The following ZNF28 variants were observed in gnomAD, a reference collection of about 807,000 sequenced individuals.
ZNF28 encodes zinc finger protein KOX24.
ZNF28 carries 5 observed loss-of-function variants against 7.2 expected under a neutral mutation model. That is an observed-to-expected ratio of 0.70 (90% CI 0.36 to 1.46). ZNF28 has a LOEUF of 1.46. ZNF28 is among the 40% of genes most tolerant of loss of function. The pLI is 0.03. For missense variants in ZNF28, 879 were observed against 866.6 expected, an observed-to-expected ratio of 1.01 and a Z score of -0.18; for synonymous variants, 288 against 292.4, an observed-to-expected ratio of 0.99 and a Z score of 0.15.
At position 52,801,540 on chromosome 19, in the gene ZNF28, T is replaced by A. The variant is rs1212302630; in HGVS notation, c.305A>T (p.Lys102Ile). The change falls in exon 4 of 4, where the codon AAA becomes ATA. Residue 102 changes from lysine (K) to isoleucine (I), a missense_variant. By Grantham distance (102) the Lys-to-Ile change is moderately radical. Transcript: ENST00000457749. ...KDIHGFQFQW[K>I]EDETNDHAAP... ...TGCATGGTCATTTGTTTCATCTTCT[T>A]TCCACTGAAACTGGAAGCCATGAAT... 6.2e-7 allele frequency: 1 copy of A among 1,614,196 alleles called. No homozygotes were observed. Among genetic ancestry groups the A allele is most frequent in the Non-Finnish European group, 8.5e-7 (1 of 1,180,024 alleles).
rs760428282 is a variant in ZNF28, at chr19:52,801,292, T to G, written c.553A>C (p.Lys185Gln). 6.2e-7 allele frequency: 1 copy of G among 1,614,164 alleles called. No homozygotes were observed. The highest frequency in any genetic ancestry group is 1.1e-5 in the South Asian group (1 of 91,080). The change falls in exon 4 of 4, where the codon AAA becomes CAA. Residue 185 changes from lysine to glutamine, a missense_variant. Around this residue, in one of 2 missense-constraint regions of ZNF28, gnomAD observed 864 missense variants for 830.2 expected, o/e 1.04. Coordinates refer to ENST00000457749, the MANE Select transcript of ZNF28 (RefSeq NM_006969.5). ...STSQRICCRPKTHISNKYGNN... is the reference protein window; with the variant it reads ...STSQRICCRPQTHISNKYGNN... The stretch of plus-strand genomic sequence containing the variant: ...CCATACTTATTAGAAATATGGGTTT[T>G]GGGCCTACAACAAATTCTTTGGGAT...
In ZNF28 at chr19:52,801,229, G is replaced by A. The variant is rs138512740; in HGVS notation, c.616C>T (p.Arg206Trp). ...GATTTTTCTCTCATGTGTACATTCC[G>A]TTTTTGTGTGAGTAATGAAGAATGG... is the stretch of plus-strand genomic sequence containing the variant. Reference protein sequence around the residue: ...SLHSSLLTQKRNVHMREKSFQ... With the variant: ...SLHSSLLTQKWNVHMREKSFQ... Residue 206 changes from arginine to tryptophan, a missense_variant, in exon 4 of 4, where the codon CGG becomes TGG. Physicochemically the swap from Arg to Trp is moderately radical, Grantham distance 101 (BLOSUM62 -3). Transcript: ENST00000457749. The A allele has an allele frequency of 6.4e-5, 104 of 1,614,048 alleles. No individual in the cohort carries two copies. Among genetic ancestry groups the A allele is most frequent in the Middle Eastern group, 1.6e-4 (1 of 6,062 alleles).
Position 52,800,170 on chromosome 19 carries a change from C to T in ZNF28, c.1675G>A (p.Val559Ile). 1 of 1,613,286 alleles carries T rather than the reference C, an allele frequency of 6.2e-7. No homozygotes were observed. The highest frequency in any genetic ancestry group is 1.1e-5 in the South Asian group (1 of 91,046). ...TCCATGTGTGATTTGCGACTGAAAA[C>T]TTTCTCACATTCTTCACATTTGTAC... ...KPYKCEECEK[V>I]FSRKSHMERH... The change falls in exon 4 of 4, where the codon GTT becomes ATT. Residue 559 changes from valine to isoleucine, a missense_variant. Physicochemically the swap from Val to Ile is conservative, Grantham distance 29. This residue lies in a region of ZNF28 where 864 missense variants were observed against 830.2 expected (regional missense o/e 1.04). Coordinates refer to ENST00000457749, the MANE Select transcript of ZNF28 (RefSeq NM_006969.5).
At chr19:52,814,516 C>T (rs985500209) in intron 2 of ZNF28, 3 of 146,012 alleles carry the variant, frequency 2.1e-5, no homozygotes, top group African/African-American at 5.3e-5. Flanking sequence ...ATCACTTGAA[C>T]CTGGGAGGCA....
At position 52,800,145 on chromosome 19, in the gene ZNF28, T is replaced by C. The variant is rs2062844091; in HGVS notation, c.1700A>G (p.Glu567Gly). ...EKVFSRKSHM[E>G]RHRRIHTGEK... ...TCCAGTATGAATCCTCCTATGTCTT[T>C]CCATGTGTGATTTGCGACTGAAAAC... Residue 567 changes from glutamate to glycine, a missense_variant, in exon 4 of 4, where the codon GAA becomes GGA. Coordinates refer to ENST00000457749, the MANE Select transcript of ZNF28 (RefSeq NM_006969.5). 1.2e-6 allele frequency: 2 copies of C among 1,613,854 alleles called. No homozygotes were observed. Among genetic ancestry groups the C allele is most frequent in the Non-Finnish European group, 1.7e-6 (2 of 1,179,896 alleles).
chr19:52,816,592 A>AAT (rs1247542816), intron 2 of ZNF28, among the ~76,000 whole-genome samples: 3 of 145,194 alleles, frequency 2.1e-5, no homozygotes, highest in Non-Finnish European at 4.4e-5. Flanking sequence ...TGAACCCAGG[A>AAT]GGCAGAGCTT....
intron 2 of ZNF28, chr19:52,810,221 A>T: frequency 8.9e-7 from 1 of 1,126,472 alleles, no homozygotes. Context: ...AGAACGACGT[A>T]GAGAAGCAGA....
At chr19:52,821,421 C>G (rs2063196928) in intron 1 of ZNF28, among the ~76,000 whole-genome samples, 165 bp downstream of exon 1, 1 of 152,102 alleles carries the variant, frequency 6.6e-6, no homozygotes, top group Non-Finnish European at 1.5e-5. Flanking sequence ...CGACTTTAAA[C>G]CTAAAAAGAA....
chr19:52,810,477 T>C, intron 2 of ZNF28: 11 of 1,586,006 alleles, frequency 6.9e-6, no homozygotes, highest in Admixed American at 1.7e-5. Flanking sequence ...AGGACTTCCT[T>C]GGCCTTGGAT....
rs369892071 is a variant in ZNF28, at chr19:52,800,997, T to C, written c.848A>G (p.Asn283Ser). Residue 283 changes from asparagine (N) to serine (S), a missense_variant, in exon 4 of 4, where the codon AAT becomes AGT. By Grantham distance (46) the Asn-to-Ser change is conservative. Coordinates refer to ENST00000457749, the MANE Select transcript of ZNF28 (RefSeq NM_006969.5). ...CGCCTTGTGAAGGAAGAGGGATGTA[T>C]TGTGACCAAAGATCTTGCCACACTC... ...CNECGKIFGH[N>S]TSLFLHKALH... 1.9e-6 allele frequency: 3 copies of C among 1,613,976 alleles called. No individual in the cohort carries two copies. Among genetic ancestry groups the C allele is most frequent in the African/African-American group, 1.3e-5 (1 of 74,888 alleles).
Position 52,799,850 on chromosome 19 carries a change from A to T in ZNF28, c.1995T>A (p.Cys665Ter), listed in dbSNP as rs1198703128. 4 of 1,613,972 alleles carry T rather than the reference A, an allele frequency of 2.5e-6. No individual in the cohort carries two copies. In the African/African-American group the frequency reaches 5.3e-5, roughly 22 times the overall value. ...RLHSGEKPYK[C>*]NECGKVFNQQ... Reference sequence around the variant, plus strand: ...GATTAAAAACCTTGCCACATTCATTACACTTGTAAGGTTTCTCTCCACTAT... The same window carrying T: ...GATTAAAAACCTTGCCACATTCATTTCACTTGTAAGGTTTCTCTCCACTAT... Residue 665 changes from cysteine (C) to a stop codon, truncating the protein, a stop_gained, in exon 4 of 4, where the codon TGT (cysteine) becomes TGA (stop). Coordinates refer to ENST00000457749, the MANE Select transcript of ZNF28 (RefSeq NM_006969.5). LOFTEE classifies it low-confidence loss of function (END_TRUNC).
At chr19:52,810,440 A>C in intron 2 of ZNF28, 1 of 1,599,606 alleles carries the variant, frequency 6.3e-7, no homozygotes, top group African/African-American at 1.3e-5. Flanking sequence ...AAGGGTTTGC[A>C]TATATAGAGT....
chr19:52,808,629 CAAAAAAAAAAAAATT>C (rs1269527131), intron 2 of ZNF28, among the ~76,000 whole-genome samples: 3 of 122,236 alleles, frequency 2.5e-5, no homozygotes, highest in African/African-American at 9.1e-5. Context: ...AACTCCATCT[CAAAAAAAAAAAAATT>C]AAAAAAAAAA....
At chr19:52,804,419 G>A (rs1024342159) in intron 3 of ZNF28, among the ~76,000 whole-genome samples, 6 of 152,162 alleles carry the variant, frequency 3.9e-5, no homozygotes, top group African/African-American at 1.2e-4. Context: ...CTCCCGGTCT[G>A]GAGTAGAGTA....
intron 3 of ZNF28, among the ~76,000 whole-genome samples, chr19:52,807,032 T>C (rs11671954): frequency 0.43 from 65,351 of 152,062 alleles, 15,960 homozygotes; most frequent in Non-Finnish European, 0.57. Context: ...TGCAGAGAGT[T>C]TCCCCACACA....
rs964824351 is a variant in ZNF28, at chr19:52,798,344, C to G, written c.*1344G>C. ...AGTTTAATGTCAATTAATGCTTAAACTCAATGTTAAGTCAACTCAAACTCA... is the reference window on the plus strand; with the variant it reads ...AGTTTAATGTCAATTAATGCTTAAAGTCAATGTTAAGTCAACTCAAACTCA... On this transcript the variant is annotated 3_prime_UTR_variant, in exon 4 of 4. Transcript: ENST00000457749. 3.3e-5 allele frequency: 11 copies of G among 334,874 alleles called. No homozygotes were observed. Among genetic ancestry groups the G allele is most frequent in the Non-Finnish European group, 6.4e-5 (11 of 171,074 alleles). The allele number at this position is 334,874 out of a possible 1,614,324, so 20.7% of individuals were successfully genotyped here.
At position 52,808,133 on chromosome 19, in the gene ZNF28, C is replaced by T; in HGVS notation, c.16G>A (p.Gly6Ser). 6.2e-7 allele frequency: 1 copy of T among 1,612,836 alleles called. No homozygotes were observed. The highest frequency in any genetic ancestry group is 8.5e-7 in the Non-Finnish European group (1 of 1,179,218). The change falls in exon 3 of 4, where the codon GGT becomes AGT. Residue 6 changes from glycine to serine, a missense_variant and splice_region_variant. Around this residue, in one of 2 missense-constraint regions of ZNF28, gnomAD observed 864 missense variants for 830.2 expected, o/e 1.04. Transcript: ENST00000457749. ...GCCACGTCCCTGAATGTCAATAGAC[C>T]CTGAAATGGAAACACATTTTAACCA... MALPQ[G>S]LLTFRDVAIE...
intron 3 of ZNF28, among the ~76,000 whole-genome samples, chr19:52,804,431 C>T (rs2062911157): frequency 6.6e-6 from 1 of 152,112 alleles, no homozygotes; most frequent in African/African-American, 2.4e-5. Flanking sequence ...AGTAGAGTAG[C>T]GTGATCTTGG....
At position 52,812,762 on chromosome 19, in the gene ZNF28, TAAAAAAAA is replaced by T. The variant is rs56944474; in HGVS notation, c.16-4637_16-4630del. 1.3e-3 allele frequency among the ~76,000 whole-genome samples: 97 copies of T among 75,430 alleles called. 1 individual carries two copies. The Middle Eastern group carries it at 0.023, about 18-fold the overall frequency. The allele number at this position is 75,430 out of a possible 152,430, so 49.5% of individuals were successfully genotyped here. A position where few individuals can be genotyped will look rare whatever the true frequency, so the allele number is the denominator to read the frequency against. Reference sequence around the variant, plus strand: ...GCGAGAAACACCCAAGAATGATCAATAAAAAAAAAAAAAAAAAAAAAAAAAGTTTTAAG... The same window carrying T: ...GCGAGAAACACCCAAGAATGATCAATAAAAAAAAAAAAAAAAAGTTTTAAG... On this transcript the variant is annotated intron_variant, in intron 2 of 3. Coordinates refer to ENST00000457749, the MANE Select transcript of ZNF28 (RefSeq NM_006969.5).
Sources: allele counts gnomAD v4.1 joint callset (sites outside exome capture counted in the v4.1 genomes callset), GRCh38; gene constraint gnomAD v4.1.1; regional missense constraint gnomAD v4.1.1; transcripts MANE v1.5; gene names NCBI Gene and HGNC (gene_info 2026-07-23, HGNC 2026-07-21).